The following RNF40 variants were observed in gnomAD, a reference collection of about 807,000 sequenced individuals.
RNF40 encodes ring finger protein 40, also known as E3 ubiquitin-protein ligase BRE1B.
Under a neutral mutation model 123.3 loss-of-function variants are expected in RNF40, and 39 were observed. That is an observed-to-expected ratio of 0.32 (90% CI 0.24 to 0.41). RNF40 has a LOEUF of 0.41. Ranked by LOEUF, RNF40 falls within the 10% of genes least tolerant of loss-of-function variation. The pLI, the probability that RNF40 is intolerant of heterozygous loss-of-function variation, is 1.00. For synonymous variants in RNF40, 538 were observed against 526.0 expected, an observed-to-expected ratio of 1.02 and a Z score of -0.31; for missense variants, 1,003 against 1,319.9, an observed-to-expected ratio of 0.76 and a Z score of 3.72.
intron 4 of RNF40, among the ~76,000 whole-genome samples, chr16:30,763,860 TATAAAC>T (rs1323146965): frequency 1.3e-5 from 2 of 152,174 alleles, no homozygotes; most frequent in East Asian, 3.8e-4. Context: ...GGGAGGAAAT[TATAAAC>T]ATAGTAAGCA....
chr16:30,767,482 A>G (rs2054056491), intron 11 of RNF40, among the ~76,000 whole-genome samples: 1 of 151,948 alleles, frequency 6.6e-6, no homozygotes, highest in African/African-American at 2.4e-5. Flanking sequence ...CTTCTCTATT[A>G]AAGGGAATTG....
Position 30,774,455 on chromosome 16 carries a change from A to G in RNF40, c.*341A>G, listed in dbSNP as rs995353154. 3 of 252,120 alleles carry G rather than the reference A, an allele frequency of 1.2e-5. No homozygotes were observed. The highest frequency in any genetic ancestry group is 9.9e-5 in the Admixed American group (2 of 20,146). The allele number at this position is 252,120 out of a possible 1,614,324, so 15.6% of individuals were successfully genotyped here. On this transcript the variant is annotated 3_prime_UTR_variant, in exon 20 of 20. Coordinates refer to ENST00000324685, the MANE Select transcript of RNF40 (RefSeq NM_014771.4). ...GTGGATGCATCCTAACCCTAAGGAA[A>G]ATTCCCCAGGCTGTGATCTACCCTA...
rs751855622 is a variant in RNF40, at chr16:30,775,055, C to G, written c.*941C>G. On this transcript the variant is annotated 3_prime_UTR_variant, in exon 20 of 20. Coordinates refer to ENST00000324685, the MANE Select transcript of RNF40 (RefSeq NM_014771.4). Reference sequence around the variant, plus strand: ...GTCTGCCTGCCCAGCCATGCTCCATCGGCTGTGAGGGCAGTGCCCGGAGAG... The same window carrying G: ...GTCTGCCTGCCCAGCCATGCTCCATGGGCTGTGAGGGCAGTGCCCGGAGAG... The G allele has an allele frequency of 2.2e-6, 1 of 456,328 alleles. No individual in the cohort carries two copies. The highest frequency in any genetic ancestry group is 2.3e-5 in the Admixed American group (1 of 42,562). 28.3% of individuals were successfully genotyped at this position (456,328 alleles called of 1,614,324 possible).
At chr16:30,773,688 T>G in intron 19 of RNF40, 1 of 380,224 alleles carries the variant, frequency 2.6e-6, no homozygotes, top group Non-Finnish European at 4.7e-6. Flanking sequence ...TCCTTGTCCT[T>G]TTGAGGGGAC....
upstream of RNF40, chr16:30,761,775 G>A (rs1596730826): frequency 6.7e-7 from 1 of 1,501,172 alleles, no homozygotes; most frequent in Non-Finnish European, 8.9e-7. Flanking sequence ...GCCGCGAGGC[G>A]CCCCGGGCTC....
rs552873019 is a variant in RNF40, at chr16:30,770,560, G to A, written c.2586+960G>A. On this transcript the variant is annotated intron_variant, in intron 17 of 19. Transcript: ENST00000324685. ...TAACCACTCGCTGGTGAACTGTAAAGTGGGGATGATGTTCTTTGTCACATA... is the reference window on the plus strand; with the variant it reads ...TAACCACTCGCTGGTGAACTGTAAAATGGGGATGATGTTCTTTGTCACATA... Among the ~76,000 whole-genome samples, 89 of 152,350 alleles carry A rather than the reference G, an allele frequency of 5.8e-4. 1 individual carries two copies. The highest frequency in any genetic ancestry group is 1.0e-3 in the Admixed American group (16 of 15,302).
chr16:30,762,927 A>G (rs1257132938), intron 2 of RNF40, among the ~76,000 whole-genome samples, 191 bp from the exon 3 acceptor site: 1 of 152,270 alleles, frequency 6.6e-6, no homozygotes, highest in Admixed American at 6.5e-5. Context: ...GGCAGAAACA[A>G]CGTGAGCCTC....
At chr16:30,767,026 G>A in intron 11 of RNF40, 150 bp downstream of exon 11, 2 of 1,074,314 alleles carry the variant, frequency 1.9e-6, no homozygotes, top group South Asian at 1.7e-5. Flanking sequence ...GCACTGCTTG[G>A]CTCCCAGGCA....
At chr16:30,763,353 G>GA (rs1378107253) in intron 3 of RNF40, 65 bp from the exon 4 acceptor site, 1 of 1,607,576 alleles carries the variant, frequency 6.2e-7, no homozygotes, top group Non-Finnish European at 8.5e-7. Flanking sequence ...CCCCTGCTAG[G>GA]AAAGGAGTAT....
At chr16:30,762,809 G>A (rs951453485) in intron 2 of RNF40, 132 bp downstream of exon 2, 5 of 1,229,300 alleles carry the variant, frequency 4.1e-6, no homozygotes, top group Middle Eastern at 1.9e-4. Context: ...TTGAAAGAAA[G>A]GTTAGAAAGA....
intron 11 of RNF40, among the ~76,000 whole-genome samples, chr16:30,767,510 A>AG (rs1203267381): frequency 2.6e-5 from 4 of 152,034 alleles, no homozygotes; most frequent in African/African-American, 7.2e-5. Context: ...AAAAAAAAAA[A>AG]AGAAAAAACC....
rs2054195025 is a variant in RNF40 at position 30,774,128 on chromosome 16, G to T, written c.*14G>T. 2.5e-6 allele frequency: 4 copies of T among 1,608,120 alleles called. No individual in the cohort carries two copies. In the African/African-American group the frequency reaches 4.0e-5, roughly 16 times the overall value. The stretch of plus-strand genomic sequence containing the variant: ...TACATCAGCTGAACCTGAAACTCAG[G>T]GGACTCTGGAACACCATGGACCCTG... On this transcript the variant is annotated 3_prime_UTR_variant, in exon 20 of 20. Coordinates refer to ENST00000324685, the MANE Select transcript of RNF40 (RefSeq NM_014771.4).
At position 30,765,277 on chromosome 16, in the gene RNF40, C is replaced by T. The variant is rs758567421; in HGVS notation, c.868C>T (p.Arg290Trp). Residue 290 changes from arginine to tryptophan, a missense_variant, in exon 7 of 20, where the codon CGG becomes TGG. Arg to Trp is a moderately radical substitution (Grantham distance 101). Around this residue, in one of 11 missense-constraint regions of RNF40, gnomAD observed 274 missense variants for 356.9 expected, o/e 0.77. Coordinates refer to ENST00000324685, the MANE Select transcript of RNF40 (RefSeq NM_014771.4). ...CTTGCAGTGGGACATCGAGAAGCTG[C>T]GGAAGCGAGAGCAAAAGCTCAATAA... ...EDLQWDIEKLRKREQKLNKHL... is the reference protein window; with the variant it reads ...EDLQWDIEKLWKREQKLNKHL... 35 of 1,614,078 alleles carry T rather than the reference C, an allele frequency of 2.2e-5. No individual in the cohort carries two copies. Among genetic ancestry groups the T allele is most frequent in the Non-Finnish European group, 2.6e-5 (31 of 1,180,034 alleles).
At chr16:30,763,378 C>T (rs1596740063) in intron 3 of RNF40, 40 bp from the exon 4 acceptor site, 1 of 1,601,032 alleles carries the variant, frequency 6.2e-7, no homozygotes, top group Non-Finnish European at 8.5e-7. Context: ...TTGGAAAGCA[C>T]TAAGGGATTC....
chr16:30,765,149 C>T (rs1395081750), intron 6 of RNF40, 32 bp from the exon 7 acceptor site: 2 of 1,612,184 alleles, frequency 1.2e-6, no homozygotes, highest in Middle Eastern at 1.7e-4. Flanking sequence ...CCAAGTCCCC[C>T]ATCCAAGCAT....
chr16:30,768,602 C>T lies in RNF40; in HGVS notation c.1980-17C>T, dbSNP rs765043531. ...CAGTCCCACTCACTAAGACTTCCTC[C>T]TGTACCTTCTTGCCAGGAAGGCCCA... On this transcript the variant is annotated splice_polypyrimidine_tract_variant and intron_variant, in intron 13 of 19. Transcript: ENST00000324685. This position sits in a 1 kb window ranked among gnomAD's most constrained non-coding sequence, Gnocchi z 4.1. 6.2e-7 allele frequency: 1 copy of T among 1,614,050 alleles called. No homozygotes were observed. The highest frequency in any genetic ancestry group is 1.3e-5 in the African/African-American group (1 of 74,938).
chr16:30,767,897 C>T lies in RNF40; in HGVS notation c.1433C>T (p.Pro478Leu). The T allele has an allele frequency of 6.2e-7, 1 of 1,614,106 alleles. No individual in the cohort carries two copies. Among genetic ancestry groups the T allele is most frequent in the Non-Finnish European group, 8.5e-7 (1 of 1,180,038 alleles). ...TTACTTGCTGATGCTCCTCCAGGGC[C>T]CATCAACCGTGAGATGCGCCACCTG... Reference protein sequence around the residue: ...QNLAANEQAGPINREMRHLIS... With the variant: ...QNLAANEQAGLINREMRHLIS... Residue 478 changes from proline to leucine, a missense_variant, in exon 12 of 20, where the codon CCC becomes CTC. Around this residue, in one of 11 missense-constraint regions of RNF40, gnomAD observed 30 missense variants for 68.9 expected, o/e 0.44. Transcript: ENST00000324685.
In RNF40 at chr16:30,766,147, G is replaced by T; in HGVS notation, c.994-16G>T. 1 of 1,613,658 alleles carries T rather than the reference G, an allele frequency of 6.2e-7. No individual in the cohort carries two copies. The highest frequency in any genetic ancestry group is 1.1e-5 in the South Asian group (1 of 90,898). The stretch of plus-strand genomic sequence containing the variant: ...GTCTGGCCCTGCCTCCCATGGCCCT[G>T]CCTCCCACTCCTTAGTTTGAGATGC... On this transcript the variant is annotated splice_polypyrimidine_tract_variant and intron_variant, in intron 8 of 19. Transcript: ENST00000324685. The surrounding 1 kb of genome is among the most constrained non-coding windows in gnomAD (Gnocchi z 5.4).
At position 30,774,483 on chromosome 16, in the gene RNF40, G is replaced by A. The variant is rs1025871547; in HGVS notation, c.*369G>A. The A allele has an allele frequency of 4.3e-6, 1 of 234,116 alleles. No individual in the cohort carries two copies. The highest frequency in any genetic ancestry group is 5.1e-5 in the Admixed American group (1 of 19,608). 14.5% of individuals were successfully genotyped at this position (234,116 alleles called of 1,614,324 possible). A position where few individuals can be genotyped will look rare whatever the true frequency, so the allele number is the denominator to read the frequency against. ...TCCCCAGGCTGTGATCTACCCTAGA[G>A]AAGGCTCGCTCCCTGCCTACTGGCT... On this transcript the variant is annotated 3_prime_UTR_variant, in exon 20 of 20. Transcript: ENST00000324685.
Sources: allele counts gnomAD v4.1 joint callset (sites outside exome capture counted in the v4.1 genomes callset), GRCh38; gene constraint gnomAD v4.1.1; regional missense constraint gnomAD v4.1.1; non-coding constraint Gnocchi (gnomAD v3.1); transcripts MANE v1.5; gene names NCBI Gene and HGNC (gene_info 2026-07-23, HGNC 2026-07-21).